The following SH3BGRL2 variants were observed in gnomAD, a reference collection of about 807,000 sequenced individuals.
The protein encoded by SH3BGRL2 is SH3 domain-binding glutamic acid-rich-like protein 2.
Under a neutral mutation model 14.8 loss-of-function variants are expected in SH3BGRL2, and 21 were observed. The ratio of observed to expected loss-of-function variants is 1.42; its 90% CI spans 1.01 to 2.05. SH3BGRL2 has a LOEUF of 2.05. SH3BGRL2 is among the 30% of genes most tolerant of loss of function. SH3BGRL2 has a pLI of 0.00. For synonymous variants in SH3BGRL2, 50 were observed against 47.8 expected (o/e 1.05, Z -0.19); for missense variants, 147 against 130.8 (o/e 1.12, Z -0.61).
rs1770468484 is a variant in SH3BGRL2, at chr6:79,702,041, A to T, written c.*2532A>T. The T allele has an allele frequency of 6.6e-6, 1 of 152,622 alleles. No individual in the cohort carries two copies. The highest frequency in any genetic ancestry group is 1.5e-5 in the Non-Finnish European group (1 of 68,044). 9.5% of individuals were successfully genotyped at this position (152,622 alleles called of 1,614,324 possible). Reference sequence around the variant, plus strand: ...CATTTTAAAATTAGATAAAATATGGAGTGCCATCCTGCTAGGTGAGTACAG... The same window carrying T: ...CATTTTAAAATTAGATAAAATATGGTGTGCCATCCTGCTAGGTGAGTACAG... On this transcript the variant is annotated 3_prime_UTR_variant, in exon 4 of 4. Transcript: ENST00000369838.
upstream of SH3BGRL2, chr6:79,631,223 T>G (rs1051827854): frequency 7.6e-6 from 3 of 396,216 alleles, no homozygotes; most frequent in Non-Finnish European, 1.3e-5. Context: ...AAACTACAAA[T>G]CCCATCAAGC....
chr6:79,691,741 A>C lies in SH3BGRL2; in HGVS notation c.232-4744A>C, dbSNP rs1194746534. ...TGGTGTATATGTGCCACATTTTCTT[A>C]ATCTAGTCTATCATTGTTGGACATT... On this transcript the variant is annotated intron_variant, in intron 2 of 3. Transcript: ENST00000369838. Among the ~76,000 whole-genome samples the C allele has an allele frequency of 1.2e-3, 189 of 151,490 alleles. 2 individuals are homozygous for C. In the East Asian group the frequency reaches 0.031, roughly 25 times the overall value.
At chr6:79,545,801 GA>G in the SH3BGRL2 span, among the ~76,000 whole-genome samples, 6 of 152,172 alleles carry the variant, frequency 3.9e-5, no homozygotes, top group African/African-American at 1.2e-4. Flanking sequence ...TCAGGAAAGA[GA>G]AAAGCTAAGC....
intron 1 of SH3BGRL2, among the ~76,000 whole-genome samples, chr6:79,649,644 T>C (rs1769240874): frequency 6.6e-6 from 1 of 152,152 alleles, no homozygotes; most frequent in Non-Finnish European, 1.5e-5. Context: ...CTCCTTTTTA[T>C]GTTTCTGCTG....
the SH3BGRL2 span, among the ~76,000 whole-genome samples, chr6:79,603,750 C>A: frequency 6.6e-6 from 1 of 152,162 alleles, no homozygotes; most frequent in Non-Finnish European, 1.5e-5. Context: ...CTACGACAAG[C>A]AAGAATTAGG....
intron 1 of SH3BGRL2, among the ~76,000 whole-genome samples, chr6:79,648,120 G>A (rs1769178840): frequency 6.6e-6 from 1 of 150,736 alleles, no homozygotes; most frequent in South Asian, 2.1e-4. Context: ...TTGTGTGTTA[G>A]GTTCAGAAAC....
At chr6:79,541,957 C>T in the SH3BGRL2 span, among the ~76,000 whole-genome samples, 3 of 152,164 alleles carry the variant, frequency 2.0e-5, no homozygotes, top group African/African-American at 7.2e-5. Flanking sequence ...TATTTTTTGA[C>T]TGCCTCTGCT....
intron 1 of SH3BGRL2, among the ~76,000 whole-genome samples, chr6:79,640,555 A>C (rs905297870): frequency 6.6e-6 from 1 of 152,112 alleles, no homozygotes; most frequent in Non-Finnish European, 1.5e-5. Context: ...CACCTTTGTT[A>C]CTATTGACAG....
the SH3BGRL2 span, among the ~76,000 whole-genome samples, chr6:79,564,453 C>A: frequency 5.9e-5 from 9 of 152,084 alleles, no homozygotes; most frequent in Non-Finnish European, 1.3e-4. Context: ...TTTACTACTT[C>A]TGCTATGATG....
chr6:79,569,276 GAT>G, the SH3BGRL2 span, among the ~76,000 whole-genome samples: 1 of 152,178 alleles, frequency 6.6e-6, no homozygotes, highest in African/African-American at 2.4e-5. Context: ...TCTGGGTTAA[GAT>G]ATGCAGTTGT....
chr6:79,571,746 T>C, the SH3BGRL2 span, among the ~76,000 whole-genome samples: 1 of 152,202 alleles, frequency 6.6e-6, no homozygotes, highest in Non-Finnish European at 1.5e-5. Flanking sequence ...AAAATTGTAC[T>C]ATATACATAT....
chr6:79,578,236 G>C, the SH3BGRL2 span, among the ~76,000 whole-genome samples: 1 of 152,226 alleles, frequency 6.6e-6, no homozygotes, highest in African/African-American at 2.4e-5. Flanking sequence ...AGACTTAAAT[G>C]TCCCTGTCTG....
intron 1 of SH3BGRL2, among the ~76,000 whole-genome samples, chr6:79,657,128 G>A (rs1180906090): frequency 1.4e-4 from 22 of 152,118 alleles, no homozygotes; most frequent in African/African-American, 4.6e-4. Context: ...CATGGGAATC[G>A]CTGATGAGAG....
At chr6:79,601,395 C>T in the SH3BGRL2 span, among the ~76,000 whole-genome samples, 45 of 152,246 alleles carry the variant, frequency 3.0e-4, no homozygotes, top group East Asian at 7.7e-3. Context: ...AGGGTTTCAC[C>T]ATGTTGCCCT....
At chr6:79,676,026 G>A (rs80340531) in intron 2 of SH3BGRL2, among the ~76,000 whole-genome samples, 3,127 of 152,230 alleles carry the variant, frequency 0.021, 85 homozygotes, top group African/African-American at 0.066. Flanking sequence ...TCAGTAGCCT[G>A]TTAGCATTCT....
chr6:79,570,492 C>G, the SH3BGRL2 span, among the ~76,000 whole-genome samples: 6 of 152,176 alleles, frequency 3.9e-5, no homozygotes, highest in African/African-American at 1.4e-4. Context: ...AAGAAGACAA[C>G]CACAATTGTA....
chr6:79,590,151 A>T, the SH3BGRL2 span, among the ~76,000 whole-genome samples: 1 of 152,094 alleles, frequency 6.6e-6, no homozygotes, highest in South Asian at 2.1e-4. Flanking sequence ...CAAAAAAATA[A>T]CAAATGCTGG....
At chr6:79,556,318 T>C in the SH3BGRL2 span, among the ~76,000 whole-genome samples, 24 of 152,174 alleles carry the variant, frequency 1.6e-4, no homozygotes, top group Non-Finnish European at 1.0e-4. Flanking sequence ...ATAACATAAA[T>C]TGATTATTAA....
At chr6:79,683,420 G>A (rs1306926601) in intron 2 of SH3BGRL2, among the ~76,000 whole-genome samples, 2 of 150,530 alleles carry the variant, frequency 1.3e-5, no homozygotes, top group Non-Finnish European at 3.0e-5. Flanking sequence ...TTTATTAGTT[G>A]TTTTTATTTT....
Sources: gnomAD v4.1 joint callset for allele counts (sites outside exome capture counted in the v4.1 genomes callset) on GRCh38, gnomAD v4.1.1 for gene constraint, MANE v1.5 for transcripts, NCBI Gene and HGNC (gene_info 2026-07-23, HGNC 2026-07-21) for gene names.